PTBP3: variants seen among roughly 807,000 people sequenced by gnomAD.
PTBP3 encodes the protein polypyrimidine tract binding protein 3, also known as polypyrimidine tract-binding protein 3.
A neutral mutation model predicts 58.7 loss-of-function variants in PTBP3; 20 were observed. The ratio of observed to expected loss-of-function variants is 0.34; its 90% CI spans 0.24 to 0.50. The LOEUF (loss-of-function observed/expected upper bound fraction) is 0.50, where lower values mean the gene tolerates loss of function less well. PTBP3 is among the 20% of genes least tolerant of loss of function. The pLI, the probability that PTBP3 is intolerant of heterozygous loss-of-function variation, is 0.98. For missense variants in PTBP3, 509 were observed against 637.2 expected, an observed-to-expected ratio of 0.80 and a Z score of 2.17; for synonymous variants, 185 against 219.8, an observed-to-expected ratio of 0.84 and a Z score of 1.40.
At chr9:112,365,683 G>A in the PTBP3 span, among the ~76,000 whole-genome samples, 1 of 152,202 alleles carries the variant, frequency 6.6e-6, no homozygotes. Flanking sequence ...TTTGGAACCG[G>A]TAATAGACAG....
chr9:112,283,966 G>A (rs1827991808), intron 2 of PTBP3, among the ~76,000 whole-genome samples: 1 of 152,240 alleles, frequency 6.6e-6, no homozygotes, highest in African/African-American at 2.4e-5. Context: ...CAGGTGAGCA[G>A]AAGACAAGAG....
chr9:112,224,194 C>A lies in PTBP3; in HGVS notation c.1381G>T (p.Asp461Tyr). 1 of 1,553,102 alleles carries A rather than the reference C, an allele frequency of 6.4e-7. No homozygotes were observed. Among genetic ancestry groups the A allele is most frequent in the Non-Finnish European group, 8.6e-7 (1 of 1,157,794 alleles). The change falls in exon 13 of 14, where the codon GAT (aspartate) becomes TAT (tyrosine). Residue 461 changes from aspartate (D) to tyrosine (Y), a missense_variant. Physicochemically the swap from Asp to Tyr is radical, Grantham distance 160. This residue lies in a region of PTBP3 where 135 missense variants were observed against 229.0 expected (regional missense o/e 0.59). Transcript: ENST00000374257. ...TCTATGAAAAGGTTCTTCAGATCATCCACTGTAACAGAAGGGCTGTGAAAA... is the reference window on the plus strand; with the variant it reads ...TCTATGAAAAGGTTCTTCAGATCATACACTGTAACAGAAGGGCTGTGAAAA... ...LSNIPPSVTV[D>Y]DLKNLFIEAG...
the PTBP3 span, among the ~76,000 whole-genome samples, chr9:112,370,421 G>A: frequency 9.2e-5 from 14 of 152,086 alleles, no homozygotes; most frequent in African/African-American, 3.4e-4. Flanking sequence ...CATGCCTGTG[G>A]TCCTAGCTAC....
chr9:112,368,306 G>A, the PTBP3 span, among the ~76,000 whole-genome samples: 3 of 152,338 alleles, frequency 2.0e-5, no homozygotes, highest in African/African-American at 7.2e-5. Flanking sequence ...GAGTAGCTGG[G>A]ATTACAGGCG....
At chr9:112,376,205 G>A in the PTBP3 span, among the ~76,000 whole-genome samples, 1 of 10,584 alleles carries the variant, frequency 9.4e-5, no homozygotes, top group Admixed American at 1.5e-3. Context: ...ATACGTGTGT[G>A]TGTGTGTGTG....
chr9:112,231,387 G>T lies in PTBP3; in HGVS notation c.1047C>A (p.Ile349=). Residue 349 remains isoleucine (I), a synonymous_variant, in exon 10 of 14, where the codon ATC becomes ATA. Transcript: ENST00000374257. ...TAGCAAAAATGAACTTACCAAATAG[G>T]ATAAAAAGCCCATGTGGTGTGATAA... ...PDLITPHGLF[I]LFGVYGDVHR... 1 of 1,592,388 alleles carries T rather than the reference G, an allele frequency of 6.3e-7. No homozygotes were observed. The highest frequency in any genetic ancestry group is 8.6e-7 in the Non-Finnish European group (1 of 1,167,086).
chr9:112,347,468 A>C, the PTBP3 span, among the ~76,000 whole-genome samples: 1 of 151,070 alleles, frequency 6.6e-6, no homozygotes, highest in Admixed American at 6.6e-5. Flanking sequence ...CAGCCTCCCC[A>C]GTAGCTGGGA....
chr9:112,360,135 C>T, the PTBP3 span, among the ~76,000 whole-genome samples: 3 of 152,154 alleles, frequency 2.0e-5, no homozygotes, highest in East Asian at 1.9e-4. Flanking sequence ...CGGAGTTCTA[C>T]GCAGAAGGCT....
chr9:112,287,398 G>C (rs1828182132), intron 2 of PTBP3, among the ~76,000 whole-genome samples: 1 of 135,766 alleles, frequency 7.4e-6, no homozygotes, highest in African/African-American at 2.8e-5. Context: ...GGAGTGAAGT[G>C]GTACGATCTC....
chr9:112,322,475 ACTC>A (rs1340419492), intron 1 of PTBP3, among the ~76,000 whole-genome samples: 32 of 152,130 alleles, frequency 2.1e-4, no homozygotes, highest in Non-Finnish European at 5.9e-5. Flanking sequence ...ACATCTCAGG[ACTC>A]TAGTATAGCA....
chr9:112,331,663 C>CA (rs1001371059), intron 1 of PTBP3, among the ~76,000 whole-genome samples: 5 of 152,124 alleles, frequency 3.3e-5, no homozygotes, highest in African/African-American at 9.7e-5. Flanking sequence ...ATACAAAGGG[C>CA]AAATCATGCT....
rs1049880048 is a variant in PTBP3 at position 112,222,007 on chromosome 9, G to A, written c.*1844C>T. 17 of 924,938 alleles carry A rather than the reference G, an allele frequency of 1.8e-5. No individual in the cohort carries two copies. The highest frequency in any genetic ancestry group is 2.1e-5 in the Non-Finnish European group (16 of 774,742). The allele number at this position is 924,938 out of a possible 1,614,324, so 57.3% of individuals were successfully genotyped here. On this transcript the variant is annotated 3_prime_UTR_variant, in exon 14 of 14. Coordinates refer to ENST00000374257, the MANE Select transcript of PTBP3 (RefSeq NM_001163788.4). The stretch of plus-strand genomic sequence containing the variant: ...TAGCGCACTGCAGCCTTGAACTCCT[G>A]GGCTCAAGTGATCCTCCTGCCTGTA...
intron 1 of PTBP3, among the ~76,000 whole-genome samples, chr9:112,311,904 G>A (rs529423398): frequency 2.0e-5 from 3 of 152,236 alleles, no homozygotes; most frequent in East Asian, 1.9e-4. Context: ...CTCTAGGATC[G>A]TGCCTGTGAG....
intron 10 of PTBP3, among the ~76,000 whole-genome samples, chr9:112,230,583 A>G (rs755003675): frequency 1.1e-4 from 17 of 152,168 alleles, no homozygotes; most frequent in South Asian, 2.1e-4. Flanking sequence ...TAGATTATAT[A>G]TATTTATGAT....
the PTBP3 span, among the ~76,000 whole-genome samples, chr9:112,363,326 C>G: frequency 6.6e-6 from 1 of 152,088 alleles, no homozygotes; most frequent in African/African-American, 2.4e-5. Context: ...GGGCAGATCT[C>G]TAGAGCCCAG....
chr9:112,294,270 T>C (rs1828570745), intron 2 of PTBP3, among the ~76,000 whole-genome samples: 1 of 152,174 alleles, frequency 6.6e-6, no homozygotes, highest in Non-Finnish European at 1.5e-5. Flanking sequence ...CCCAGCACTT[T>C]AGGAGGCCAA....
At chr9:112,308,287 A>G (rs1408275512) in intron 1 of PTBP3, among the ~76,000 whole-genome samples, 1 of 151,264 alleles carries the variant, frequency 6.6e-6, no homozygotes, top group Non-Finnish European at 1.5e-5. Context: ...TAGGATTCCC[A>G]AAGTGTTGGA....
rs903419834 is a variant in PTBP3, at chr9:112,333,585, G to C, written c.-167C>G. Reference sequence around the variant, plus strand: ...CCGGGGACAAGCGAGCTTTGGCTCTGCGGAGCCCCGGCCGGTCCGAGGTGG... The same window carrying C: ...CCGGGGACAAGCGAGCTTTGGCTCTCCGGAGCCCCGGCCGGTCCGAGGTGG... On this transcript the variant is annotated 5_prime_UTR_variant, in exon 1 of 14. Coordinates refer to ENST00000374257, the MANE Select transcript of PTBP3 (RefSeq NM_001163788.4). 4 of 1,377,074 alleles carry C rather than the reference G, an allele frequency of 2.9e-6. No individual in the cohort carries two copies. The highest frequency in any genetic ancestry group is 3.0e-5 in the African/African-American group (2 of 66,836). 85.3% of individuals were successfully genotyped at this position (1,377,074 alleles called of 1,614,324 possible).
chr9:112,348,252 A>G, the PTBP3 span, among the ~76,000 whole-genome samples: 63 of 152,286 alleles, frequency 4.1e-4, no homozygotes, highest in African/African-American at 1.3e-3. Flanking sequence ...GCAGTTGGTA[A>G]ATTATTTCTC....
Sources: gnomAD v4.1 joint callset for allele counts (sites outside exome capture counted in the v4.1 genomes callset) on GRCh38, gnomAD v4.1.1 for gene constraint, gnomAD v4.1.1 regional missense constraint, MANE v1.5 for transcripts, NCBI Gene and HGNC (gene_info 2026-07-23, HGNC 2026-07-21) for gene names.